TMEM131: variants seen among roughly 807,000 people sequenced by gnomAD.
TMEM131 encodes the protein 2610524E03Rik.
Under a neutral mutation model 211.6 loss-of-function variants are expected in TMEM131, and 66 were observed. The observed-to-expected ratio is 0.31, with a 90% CI of 0.26 to 0.38. The LOEUF (loss-of-function observed/expected upper bound fraction) is 0.38. Ranked by LOEUF, TMEM131 falls within the 10% of genes least tolerant of loss-of-function variation. TMEM131 has a pLI of 1.00. For synonymous variants in TMEM131, 844 were observed against 841.3 expected (o/e 1.00, Z -0.06); for missense variants, 2,036 against 2,299.3 (o/e 0.89, Z 2.34).
At chr2:97,759,286 A>C in intron 39 of TMEM131, 1 of 573,514 alleles carries the variant, frequency 1.7e-6, no homozygotes, top group Non-Finnish European at 3.1e-6. Context: ...AACTTTCCCC[A>C]CTCTCACATG....
intron 4 of TMEM131, among the ~76,000 whole-genome samples, chr2:97,867,744 A>G (rs951413562): frequency 2.0e-5 from 3 of 152,164 alleles, no homozygotes; most frequent in Non-Finnish European, 2.9e-5. Context: ...AAAGTTGGAG[A>G]TGATGAGAAA....
At chr2:97,842,016 GAGA>G in intron 6 of TMEM131, 79 bp from the exon 7 acceptor site, 1 of 1,249,208 alleles carries the variant, frequency 8.0e-7, no homozygotes, top group East Asian at 2.8e-5. Context: ...CTGATCTAGG[GAGA>G]CTGGCAAATC....
chr2:97,941,293 C>T (rs1467293612), intron 1 of TMEM131, among the ~76,000 whole-genome samples: 1 of 152,092 alleles, frequency 6.6e-6, no homozygotes, highest in Admixed American at 6.6e-5. Flanking sequence ...GAAACTGGAT[C>T]CCTTCCTTAC....
intron 1 of TMEM131, among the ~76,000 whole-genome samples, chr2:97,930,121 A>G (rs1201806879): frequency 6.6e-6 from 1 of 150,908 alleles, no homozygotes; most frequent in Non-Finnish European, 1.5e-5. Context: ...TAACATAAGA[A>G]CACAATGAAC....
In TMEM131 at chr2:97,780,930, G is replaced by C. The variant is rs76609048; in HGVS notation, c.4145-4912C>G. Among the ~76,000 whole-genome samples, 188 of 152,302 alleles carry C rather than the reference G, an allele frequency of 1.2e-3. 2 individuals are homozygous for C. The East Asian group carries it at 0.022, about 18-fold the overall frequency. On this transcript the variant is annotated intron_variant, in intron 31 of 40. Transcript: ENST00000186436. ...TGCCCAAGGTGAACCTGGTGGCAGA[G>C]AAGGAATCTTGGTAGAGCAGCCAGG...
intron 31 of TMEM131, among the ~76,000 whole-genome samples, chr2:97,781,664 G>A (rs1178949377): frequency 6.6e-6 from 1 of 151,942 alleles, no homozygotes; most frequent in Non-Finnish European, 1.5e-5. Context: ...TTCCTGCCAA[G>A]CAAAACTAAA....
chr2:97,772,565 T>A, intron 32 of TMEM131, 141 bp from the exon 33 acceptor site: 2 of 1,022,878 alleles, frequency 2.0e-6, no homozygotes, highest in East Asian at 2.7e-5. Context: ...TCTTCAAATC[T>A]GTCTTCACTG....
At chr2:97,840,238 T>G (rs890133601) in intron 7 of TMEM131, among the ~76,000 whole-genome samples, 1 of 152,250 alleles carries the variant, frequency 6.6e-6, no homozygotes, top group African/African-American at 2.4e-5. Context: ...TGTGCTGGGC[T>G]TGGTAACTCC....
intron 1 of TMEM131, among the ~76,000 whole-genome samples, chr2:97,943,538 T>C (rs566121948): frequency 3.3e-5 from 5 of 152,320 alleles, no homozygotes; most frequent in Admixed American, 3.3e-4. Context: ...AATAGAAAGA[T>C]ATCTGGTATT....
chr2:97,802,026 G>A, intron 24 of TMEM131, 65 bp from the exon 25 acceptor site: 2 of 1,123,906 alleles, frequency 1.8e-6, no homozygotes, highest in Middle Eastern at 2.0e-4. Flanking sequence ...GTTATGGAGT[G>A]ATTATCAGGT....
intron 6 of TMEM131, among the ~76,000 whole-genome samples, chr2:97,843,499 T>C (rs2105107159): frequency 6.6e-6 from 1 of 152,258 alleles, no homozygotes; most frequent in East Asian, 1.9e-4. Flanking sequence ...CTGTGCCCAG[T>C]TAATTTATAA....
At position 97,813,997 on chromosome 2, in the gene TMEM131, C is replaced by A. The variant is rs376988031; in HGVS notation, c.1591G>T (p.Val531Leu). The change falls in exon 15 of 41, where the codon GTG becomes TTG. Residue 531 changes from valine to leucine, a missense_variant. Val to Leu is a conservative substitution (Grantham distance 32). Transcript: ENST00000186436. ...ITNASKFHLP[V>L]RVYTGFLDYF... ...TCTAAAAAGCCTGTGTATACCCGCACGGGTAAATGAAATTTAGAAGCATTG... is the reference window on the plus strand; with the variant it reads ...TCTAAAAAGCCTGTGTATACCCGCAAGGGTAAATGAAATTTAGAAGCATTG... 12 of 1,597,794 alleles carry A rather than the reference C, an allele frequency of 7.5e-6. No individual in the cohort carries two copies. The East Asian group carries it at 2.5e-4, about 33-fold the overall frequency.
chr2:97,940,846 A>G (rs1239722397), intron 1 of TMEM131, among the ~76,000 whole-genome samples: 1 of 151,884 alleles, frequency 6.6e-6, no homozygotes, highest in African/African-American at 2.4e-5. Flanking sequence ...ATGGAAGAAC[A>G]TTCCATGCTC....
At chr2:97,961,653 C>T (rs1402853584) in intron 1 of TMEM131, among the ~76,000 whole-genome samples, 3 of 152,098 alleles carry the variant, frequency 2.0e-5, no homozygotes, top group Non-Finnish European at 4.4e-5. Context: ...ACTGCCGTAA[C>T]CAAGCTAATA....
chr2:97,956,721 T>C (rs1172476825), intron 1 of TMEM131, among the ~76,000 whole-genome samples: 1 of 152,176 alleles, frequency 6.6e-6, no homozygotes, highest in Non-Finnish European at 1.5e-5. Flanking sequence ...ATGACTTTTG[T>C]AAATACATGG....
At chr2:97,943,022 AAAAGAAAAGAAAAGAAAAGAAAG>A (rs1216834566) in intron 1 of TMEM131, among the ~76,000 whole-genome samples, 1,618 of 59,698 alleles carry the variant, frequency 0.027, 55 homozygotes, top group Middle Eastern at 0.087. Context: ...AAAAGAAAAG[AAAAGAAAAGAAAAGAAAAGAAAG>A]AAAGAAAGAA....
chr2:97,866,760 T>C (rs140587622), intron 4 of TMEM131, among the ~76,000 whole-genome samples: 4 of 152,366 alleles, frequency 2.6e-5, no homozygotes, highest in Admixed American at 2.6e-4. Flanking sequence ...TTAAGGAGTA[T>C]GTTTATTATC....
chr2:97,775,517 C>T (rs1679682143), intron 32 of TMEM131, among the ~76,000 whole-genome samples: 1 of 152,202 alleles, frequency 6.6e-6, no homozygotes, highest in African/African-American at 2.4e-5. Context: ...AAAGAAGTTT[C>T]ATGAGGTAGA....
intron 1 of TMEM131, among the ~76,000 whole-genome samples, chr2:97,946,947 A>G (rs575501673): frequency 6.6e-6 from 1 of 152,158 alleles, no homozygotes; most frequent in Admixed American, 6.5e-5. Flanking sequence ...TTCAACATAT[A>G]AGACTTAAAA....
Sources: gnomAD v4.1 joint callset for allele counts (sites outside exome capture counted in the v4.1 genomes callset) on GRCh38, gnomAD v4.1.1 for gene constraint, MANE v1.5 for transcripts, NCBI Gene and HGNC (gene_info 2026-07-23, HGNC 2026-07-21) for gene names.